The following MBD5 variants were observed in gnomAD, a reference collection of about 807,000 sequenced individuals.
MBD5 encodes methyl-CpG-binding domain protein 5.
A neutral mutation model predicts 117.3 loss-of-function variants in MBD5; 13 were observed. The observed-to-expected ratio is 0.11, with a 90% CI of 0.07 to 0.18. The LOEUF (loss-of-function observed/expected upper bound fraction) is 0.18, where lower values mean the gene tolerates loss of function less well. MBD5 is among the 10% of genes least tolerant of loss of function. The pLI is 1.00. For missense variants in MBD5, 1,879 were observed against 2,093.8 expected, an observed-to-expected ratio of 0.90 and a Z score of 2.00; for synonymous variants, 727 against 766.4, an observed-to-expected ratio of 0.95 and a Z score of 0.85.
chr2:148,481,931 G>A (rs573065296), intron 8 of MBD5: 3 of 152,080 alleles, frequency 2.0e-5, no homozygotes, highest in African/African-American at 4.8e-5. Context: ...CATCCCTAGT[G>A]TAAGGCTTTT....
chr2:148,391,818 C>G (rs1249166851), intron 4 of MBD5, among the ~76,000 whole-genome samples: 1 of 152,120 alleles, frequency 6.6e-6, no homozygotes, highest in African/African-American at 2.4e-5. Flanking sequence ...ATTCTGAAAA[C>G]AGATAAGTTA....
chr2:148,197,057 G>A (rs191620132), intron 2 of MBD5, among the ~76,000 whole-genome samples: 12 of 152,216 alleles, frequency 7.9e-5, no homozygotes, highest in Admixed American at 7.9e-4. Flanking sequence ...CCATCAAGAG[G>A]TAGATTCCAT....
At chr2:148,159,745 T>G (rs1183150295) in intron 1 of MBD5, among the ~76,000 whole-genome samples, 1 of 152,122 alleles carries the variant, frequency 6.6e-6, no homozygotes, top group Non-Finnish European at 1.5e-5. Context: ...TTCCTAATAT[T>G]TAGTTAAGCT....
intron 1 of MBD5, among the ~76,000 whole-genome samples, chr2:148,086,014 A>C (rs977744057): frequency 6.6e-6 from 1 of 152,144 alleles, no homozygotes. Context: ...TATAGACTTT[A>C]TATTTCCTAT....
At chr2:148,288,859 A>G (rs1336552947) in intron 3 of MBD5, among the ~76,000 whole-genome samples, 1 of 152,258 alleles carries the variant, frequency 6.6e-6, no homozygotes, top group Non-Finnish European at 1.5e-5. Context: ...ACTTTTGAAT[A>G]AAGACCAAGA....
chr2:148,452,039 C>A (rs1334567639), intron 4 of MBD5, among the ~76,000 whole-genome samples: 1 of 152,104 alleles, frequency 6.6e-6, no homozygotes, highest in African/African-American at 2.4e-5. Flanking sequence ...AGAATTTACT[C>A]ATAATATCAC....
intron 2 of MBD5, among the ~76,000 whole-genome samples, chr2:148,197,308 G>A (rs1699013140): frequency 6.6e-6 from 1 of 152,188 alleles, no homozygotes; most frequent in South Asian, 2.1e-4. Flanking sequence ...CAGCCTTAAA[G>A]GTGCCCCAGC....
intron 1 of MBD5, among the ~76,000 whole-genome samples, chr2:148,104,431 A>G (rs1039343533): frequency 1.3e-5 from 2 of 152,168 alleles, no homozygotes; most frequent in African/African-American, 4.8e-5. Context: ...CAGTGTCTTT[A>G]TTATGCTTAT....
At chr2:148,200,610 G>C (rs556393988) in intron 2 of MBD5, among the ~76,000 whole-genome samples, 1 of 151,454 alleles carries the variant, frequency 6.6e-6, no homozygotes, top group Admixed American at 6.6e-5. Flanking sequence ...GGAGAATGGC[G>C]TGAGCCTAGG....
chr2:148,406,714 G>A (rs1291461549), intron 4 of MBD5, among the ~76,000 whole-genome samples: 1 of 152,118 alleles, frequency 6.6e-6, no homozygotes, highest in Non-Finnish European at 1.5e-5. Flanking sequence ...TCATTACAGT[G>A]AATTCTTCCT....
At chr2:148,493,436 G>A (rs994012217) in intron 11 of MBD5, among the ~76,000 whole-genome samples, 37 of 152,176 alleles carry the variant, frequency 2.4e-4, no homozygotes, top group African/African-American at 8.7e-4. Flanking sequence ...TTCTCAGCAA[G>A]CCACTCCAAA....
rs533774187 is a variant in MBD5 at position 148,247,786 on chromosome 2, A to G, written c.-680+14391A>G. The stretch of plus-strand genomic sequence containing the variant: ...TTTATTTTTGAAACCAGAAAGAAAA[A>G]GGATTAAAGATATTCTAAAAGAAAT... On this transcript the variant is annotated intron_variant, in intron 3 of 13. Coordinates refer to ENST00000642680, the MANE Select transcript of MBD5 (RefSeq NM_001378120.1). Among the ~76,000 whole-genome samples, 302 of 152,264 alleles carry G rather than the reference A, an allele frequency of 2.0e-3. 2 individuals are homozygous for G. Among genetic ancestry groups the G allele is most frequent in the Non-Finnish European group, 3.2e-3 (215 of 67,998 alleles).
At position 148,514,511 on chromosome 2, in the gene MBD5, C is replaced by A. The variant is rs1447337789; in HGVS notation, c.*1570C>A. On this transcript the variant is annotated 3_prime_UTR_variant, in exon 14 of 14. Coordinates refer to ENST00000642680, the MANE Select transcript of MBD5 (RefSeq NM_001378120.1). ...TGGAACCACCAGTCCCTGCCCCAAA[C>A]CCTTAAACCCCTAGAGAGCACTGCC... 1 of 152,162 alleles carries A rather than the reference C, an allele frequency of 6.6e-6. No individual in the cohort carries two copies. The highest frequency in any genetic ancestry group is 1.5e-5 in the Non-Finnish European group (1 of 68,046). 9.4% of individuals were successfully genotyped at this position (152,162 alleles called of 1,614,324 possible).
At chr2:148,134,270 A>G (rs1697121297) in intron 1 of MBD5, among the ~76,000 whole-genome samples, 1 of 152,204 alleles carries the variant, frequency 6.6e-6, no homozygotes, top group Non-Finnish European at 1.5e-5. Flanking sequence ...TAATAGAGAT[A>G]CAGATATACA....
At chr2:148,109,968 G>A (rs760031833) in intron 1 of MBD5, among the ~76,000 whole-genome samples, 7 of 151,972 alleles carry the variant, frequency 4.6e-5, no homozygotes, top group South Asian at 2.1e-4. Flanking sequence ...ATTATCCCCC[G>A]ATGACCACAT....
At chr2:148,219,449 G>A (rs1365260652) in intron 2 of MBD5, among the ~76,000 whole-genome samples, 3 of 152,050 alleles carry the variant, frequency 2.0e-5, no homozygotes, top group African/African-American at 7.2e-5. Context: ...GTAAATACTA[G>A]GCAATAGGAA....
intron 3 of MBD5, among the ~76,000 whole-genome samples, chr2:148,239,050 GTA>G (rs906138250): frequency 3.3e-5 from 5 of 151,296 alleles, no homozygotes; most frequent in East Asian, 1.9e-4. Flanking sequence ...GTATGAGTGT[GTA>G]TATATGTGTG....
intron 2 of MBD5, among the ~76,000 whole-genome samples, chr2:148,188,819 T>C (rs1380796387): frequency 6.6e-6 from 1 of 150,512 alleles, no homozygotes; most frequent in Non-Finnish European, 1.5e-5. Flanking sequence ...AGAAGACGGG[T>C]GATTTCTGTA....
At chr2:148,494,852 A>G (rs558336702) in intron 11 of MBD5, among the ~76,000 whole-genome samples, 33 of 152,260 alleles carry the variant, frequency 2.2e-4, no homozygotes, top group African/African-American at 7.2e-4. Flanking sequence ...AGTCCCAGCT[A>G]CTGCGGAGGC....
Sources: allele counts gnomAD v4.1 joint callset (sites outside exome capture counted in the v4.1 genomes callset), GRCh38; gene constraint gnomAD v4.1.1; transcripts MANE v1.5; gene names NCBI Gene and HGNC (gene_info 2026-07-23, HGNC 2026-07-21).